NKD1: variants seen among roughly 807,000 people sequenced by gnomAD.
NKD1 encodes NKD inhibitor of Wnt signaling pathway 1.
A neutral mutation model predicts 56.0 loss-of-function variants in NKD1; 21 were observed. The ratio of observed to expected loss-of-function variants is 0.38; its 90% CI spans 0.27 to 0.54. The LOEUF is 0.54. Among genes scored for constraint, NKD1 ranks in the 20% least tolerant of loss-of-function variants. The pLI is 0.82. For missense variants in NKD1, 578 were observed against 642.7 expected, an observed-to-expected ratio of 0.90 and a Z score of 1.09; for synonymous variants, 263 against 265.7, an observed-to-expected ratio of 0.99 and a Z score of 0.10.
intron 3 of NKD1, among the ~76,000 whole-genome samples, chr16:50,602,101 G>C (rs1961609462): frequency 6.6e-6 from 1 of 152,242 alleles, no homozygotes; most frequent in South Asian, 2.1e-4. Flanking sequence ...AGCCTGCCGA[G>C]CTTGTAGGCA....
chr16:50,606,592 G>T, intron 3 of NKD1: 1 of 356,522 alleles, frequency 2.8e-6, no homozygotes, highest in Non-Finnish European at 5.6e-6. Flanking sequence ...CATTGTCATA[G>T]GGTCCCACAC....
chr16:50,621,497 T>G (rs1793929113), intron 4 of NKD1, 105 bp from the exon 5 acceptor site: 3 of 742,694 alleles, frequency 4.0e-6, no homozygotes, highest in Non-Finnish European at 6.6e-6. Context: ...CCCAGCCCCC[T>G]GGCGAGAATG....
chr16:50,633,916 G>T lies in NKD1; in HGVS notation c.*135G>T. 1 of 535,412 alleles carries T rather than the reference G, an allele frequency of 1.9e-6. No homozygotes were observed. The highest frequency in any genetic ancestry group is 3.3e-6 in the Non-Finnish European group (1 of 304,302). 33.2% of individuals were successfully genotyped at this position (535,412 alleles called of 1,614,324 possible). On this transcript the variant is annotated 3_prime_UTR_variant, in exon 10 of 10. Coordinates refer to ENST00000268459, the MANE Select transcript of NKD1 (RefSeq NM_033119.5). The surrounding 1 kb of genome is among the most constrained non-coding windows in gnomAD (Gnocchi z 4.9). ...ATTATTGTTACTCCACTAATATTTA[G>T]CTAGCCTACATGTAGAAGATCTATG... is the stretch of plus-strand genomic sequence containing the variant.
At chr16:50,615,228 C>T (rs1012819335) in intron 4 of NKD1, among the ~76,000 whole-genome samples, 1 of 152,204 alleles carries the variant, frequency 6.6e-6, no homozygotes, top group Admixed American at 6.5e-5. Context: ...ATTTAGTTCT[C>T]TTTGTTCCAC....
At position 50,557,572 on chromosome 16, in the gene NKD1, T is replaced by C. The variant is rs1275820205; in HGVS notation, c.192+8017T>C. The C allele has an allele frequency of 2.0e-5, 3 of 152,372 alleles. No individual in the cohort carries two copies. In the East Asian group the frequency reaches 5.8e-4, roughly 29 times the overall value. 9.4% of individuals were successfully genotyped at this position (152,372 alleles called of 1,614,324 possible). A position where few individuals can be genotyped will look rare whatever the true frequency, so the allele number is the denominator to read the frequency against. On this transcript the variant is annotated intron_variant, in intron 3 of 9. Coordinates refer to ENST00000268459, the MANE Select transcript of NKD1 (RefSeq NM_033119.5). ...TAAAATCAGGAATAATTATTGAATT[T>C]TGTCACATGCTGTTGGGATGCAGAT... is the stretch of plus-strand genomic sequence containing the variant.
At chr16:50,628,853 A>G (rs2151280604) in intron 6 of NKD1, among the ~76,000 whole-genome samples, 1 of 152,186 alleles carries the variant, frequency 6.6e-6, no homozygotes. Context: ...GACCAAGGGG[A>G]CACCTGCTTC....
chr16:50,557,154 A>G (rs1051846170), intron 3 of NKD1: 1 of 152,210 alleles, frequency 6.6e-6, no homozygotes, highest in African/African-American at 2.4e-5. Flanking sequence ...GGAACTTACC[A>G]TCTTGTAGGA....
intron 3 of NKD1, among the ~76,000 whole-genome samples, chr16:50,589,464 C>T (rs928202881): frequency 6.6e-6 from 1 of 152,142 alleles, no homozygotes. Flanking sequence ...AGGTGCTGCA[C>T]GGTGGAAGCT....
At chr16:50,609,074 C>G (rs1961783536) in intron 4 of NKD1, among the ~76,000 whole-genome samples, 1 of 152,260 alleles carries the variant, frequency 6.6e-6, no homozygotes, top group African/African-American at 2.4e-5. Flanking sequence ...ACCTTCCCAC[C>G]TTGGCCTCCC....
At chr16:50,607,213 C>CA (rs950782340) in intron 3 of NKD1, 3 of 344,592 alleles carry the variant, frequency 8.7e-6, no homozygotes, top group African/African-American at 6.5e-5. Context: ...GTCTTTAAAA[C>CA]AAAAAACAAA....
At chr16:50,573,414 T>A (rs576880079) in intron 3 of NKD1, among the ~76,000 whole-genome samples, 1 of 152,344 alleles carries the variant, frequency 6.6e-6, no homozygotes, top group African/African-American at 2.4e-5. Flanking sequence ...GCGAGGCCCT[T>A]TGGAGCTTCT....
chr16:50,608,526 G>C, intron 4 of NKD1, 166 bp downstream of exon 4: 2 of 653,360 alleles, frequency 3.1e-6, no homozygotes, highest in Non-Finnish European at 5.6e-6. Flanking sequence ...GAGGAGAGGA[G>C]TAAGAGACAG....
chr16:50,599,091 T>G (rs897397595), intron 3 of NKD1, among the ~76,000 whole-genome samples: 1 of 151,842 alleles, frequency 6.6e-6, no homozygotes, highest in African/African-American at 2.4e-5. Flanking sequence ...CGGCCAGAAG[T>G]GGGGTCGCCT....
rs149487751 is a variant in NKD1, at chr16:50,588,882, G to A, written c.193-19412G>A. Among the ~76,000 whole-genome samples the A allele has an allele frequency of 1.2e-3, 181 of 152,200 alleles. 1 individual carries two copies. Among genetic ancestry groups the A allele is most frequent in the African/African-American group, 4.2e-3 (176 of 41,518 alleles). On this transcript the variant is annotated intron_variant, in intron 3 of 9. Transcript: ENST00000268459. ...GCCTCCCAAAGTGCTGGGATTACAG[G>A]CGTGAGCCACCATGCCTGGCCTCAT...
chr16:50,634,515 T>A lies in NKD1; in HGVS notation c.*734T>A. 6.6e-6 allele frequency: 1 copy of A among 152,172 alleles called. No individual in the cohort carries two copies. Among genetic ancestry groups the A allele is most frequent in the East Asian group, 1.9e-4 (1 of 5,324 alleles). The allele number at this position is 152,172 out of a possible 1,614,324, so 9.4% of individuals were successfully genotyped here. A position where few individuals can be genotyped will look rare whatever the true frequency, so the allele number is the denominator to read the frequency against. On this transcript the variant is annotated 3_prime_UTR_variant, in exon 10 of 10. Coordinates refer to ENST00000268459, the MANE Select transcript of NKD1 (RefSeq NM_033119.5). The stretch of plus-strand genomic sequence containing the variant: ...TTAAGGACTATCCCTGAGACCATCC[T>A]TCTCATTTTGGAAACTGCTAGGGAG...
chr16:50,596,803 C>T (rs1034290670), intron 3 of NKD1, among the ~76,000 whole-genome samples: 3 of 152,132 alleles, frequency 2.0e-5, no homozygotes, highest in African/African-American at 7.2e-5. Flanking sequence ...TTTGGGAAGA[C>T]CTCACCTAGG....
intron 7 of NKD1, 34 bp from the exon 8 acceptor site, chr16:50,630,792 C>G (rs1410163399): frequency 5.2e-6 from 8 of 1,546,594 alleles, no homozygotes. Context: ...GGCAGCTCAC[C>G]TGGTGTCTCC....
intron 3 of NKD1, among the ~76,000 whole-genome samples, chr16:50,568,165 C>T (rs955560884): frequency 9.9e-5 from 15 of 152,198 alleles, no homozygotes; most frequent in Non-Finnish European, 1.9e-4. Context: ...AATTGGCTTG[C>T]GAAGGCCTGG....
chr16:50,589,581 G>A (rs777678795), intron 3 of NKD1, among the ~76,000 whole-genome samples: 1 of 152,220 alleles, frequency 6.6e-6, no homozygotes, highest in African/African-American at 2.4e-5. Flanking sequence ...GAGCCGCCCC[G>A]AGGGTTCATC....
Sources: allele counts gnomAD v4.1 joint callset (sites outside exome capture counted in the v4.1 genomes callset), GRCh38; gene constraint gnomAD v4.1.1; non-coding constraint Gnocchi (gnomAD v3.1); transcripts MANE v1.5; gene names NCBI Gene and HGNC (gene_info 2026-07-23, HGNC 2026-07-21).